Variants in PDE1A observed in about 807,000 individuals in gnomAD.
PDE1A encodes dual specificity calcium/calmodulin-dependent 3',5'-cyclic nucleotide phosphodiesterase 1A.
In PDE1A, 35 loss-of-function variants were observed where a neutral mutation model predicts 61.7. The ratio of observed to expected loss-of-function variants is 0.57; its 90% CI spans 0.43 to 0.75. PDE1A has a LOEUF of 0.75. Ranked by LOEUF, PDE1A falls within the 30% of genes least tolerant of loss-of-function variation. PDE1A has a pLI of 0.00. For synonymous variants in PDE1A, 232 were observed against 213.2 expected (o/e 1.09, Z -0.77); for missense variants, 597 against 630.6 (o/e 0.95, Z 0.57).
intron 2 of PDE1A, among the ~76,000 whole-genome samples, chr2:182,449,601 T>C (rs777126633): frequency 6.6e-6 from 1 of 152,112 alleles, no homozygotes; most frequent in Non-Finnish European, 1.5e-5. Flanking sequence ...AGGCTTATTT[T>C]CCACATTTTC....
chr2:182,455,656 G>A (rs377295335), intron 2 of PDE1A, among the ~76,000 whole-genome samples: 1 of 151,696 alleles, frequency 6.6e-6, no homozygotes, highest in Admixed American at 6.6e-5. Flanking sequence ...CTATTCCAAG[G>A]ACAAAAAACC....
the PDE1A span, among the ~76,000 whole-genome samples, chr2:182,564,934 T>C: frequency 6.6e-6 from 1 of 152,180 alleles, no homozygotes; most frequent in African/African-American, 2.4e-5. Flanking sequence ...CTGTATTGGT[T>C]ATTCTAGTTA....
chr2:182,606,065 G>A, the PDE1A span, among the ~76,000 whole-genome samples: 1 of 152,110 alleles, frequency 6.6e-6, no homozygotes, highest in East Asian at 1.9e-4. Flanking sequence ...AATGACATAT[G>A]ACTTTATTAC....
intron 1 of PDE1A, among the ~76,000 whole-genome samples, chr2:182,421,630 GC>G (rs1211881897): frequency 6.6e-6 from 1 of 152,114 alleles, no homozygotes; most frequent in Non-Finnish European, 1.5e-5. Context: ...TTTACCTCCT[GC>G]TATTAAAATG....
At chr2:182,182,043 T>C (rs943061037) in intron 13 of PDE1A, among the ~76,000 whole-genome samples, 1 of 152,204 alleles carries the variant, frequency 6.6e-6, no homozygotes, top group African/African-American at 2.4e-5. Context: ...TTTGCAGTCA[T>C]GAACAATGCT....
chr2:182,388,827 C>T (rs1219786923), intron 1 of PDE1A, among the ~76,000 whole-genome samples: 1 of 151,594 alleles, frequency 6.6e-6, no homozygotes, highest in African/African-American at 2.4e-5. Context: ...GAAATAAAGA[C>T]CAGAAAAAAT....
the PDE1A span, among the ~76,000 whole-genome samples, chr2:182,545,918 G>C: frequency 6.6e-6 from 1 of 152,154 alleles, no homozygotes; most frequent in Admixed American, 6.5e-5. Context: ...GGCCAAACCT[G>C]TTTAGTGACT....
intron 2 of PDE1A, among the ~76,000 whole-genome samples, chr2:182,499,548 G>A (rs965882149): frequency 2.0e-4 from 30 of 152,054 alleles, no homozygotes; most frequent in Admixed American, 1.8e-3. Flanking sequence ...CGAAATTCCC[G>A]AACAGCAGAA....
Position 182,180,852 on chromosome 2 carries a change from T to A in PDE1A, c.1516+5040A>T, listed in dbSNP as rs557735720. On this transcript the variant is annotated intron_variant, in intron 13 of 13. Coordinates refer to ENST00000351439, the Ensembl canonical transcript of PDE1A. ...CAGCAAGATGGTCTTCAAATTCTGATATCCTTTCTTCTGCTTGATTTATTC... is the reference window on the plus strand; with the variant it reads ...CAGCAAGATGGTCTTCAAATTCTGAAATCCTTTCTTCTGCTTGATTTATTC... Among the ~76,000 whole-genome samples, 6 of 151,938 alleles carry A rather than the reference T, an allele frequency of 3.9e-5. No individual in the cohort carries two copies. The South Asian group carries it at 6.3e-4, about 16-fold the overall frequency.
intron 1 of PDE1A, among the ~76,000 whole-genome samples, chr2:182,303,798 C>A (rs1418156949): frequency 6.6e-6 from 1 of 152,236 alleles, no homozygotes; most frequent in Non-Finnish European, 1.5e-5. Context: ...CATCAATGAT[C>A]TTACCTCTAT....
At chr2:182,533,317 A>C in the PDE1A span, among the ~76,000 whole-genome samples, 2 of 152,258 alleles carry the variant, frequency 1.3e-5, no homozygotes, top group African/African-American at 4.8e-5. Flanking sequence ...TCTCAGAAAA[A>C]AGCAAAGAAG....
chr2:182,685,576 A>C, the PDE1A span, among the ~76,000 whole-genome samples: 2 of 152,290 alleles, frequency 1.3e-5, no homozygotes, highest in African/African-American at 4.8e-5. Context: ...AATTGTGAAC[A>C]ATCAGTGCTT....
the PDE1A span, among the ~76,000 whole-genome samples, chr2:182,622,920 T>A: frequency 6.6e-6 from 1 of 152,184 alleles, no homozygotes; most frequent in Admixed American, 6.5e-5. Flanking sequence ...TGGAAGTATT[T>A]TTCTAATAGC....
intron 13 of PDE1A, among the ~76,000 whole-genome samples, chr2:182,154,210 A>G (rs1690941331): frequency 6.6e-6 from 1 of 152,222 alleles, no homozygotes; most frequent in South Asian, 2.1e-4. Context: ...TTTAGTAAAA[A>G]TGTCAATACA....
the PDE1A span, among the ~76,000 whole-genome samples, chr2:182,576,081 A>G: frequency 6.6e-6 from 1 of 151,712 alleles, no homozygotes; most frequent in Non-Finnish European, 1.5e-5. Context: ...AAACTTTTTT[A>G]TCTTAACTAC....
At chr2:182,471,937 G>T (rs1687054011) in intron 2 of PDE1A, among the ~76,000 whole-genome samples, 1 of 151,730 alleles carries the variant, frequency 6.6e-6, no homozygotes, top group African/African-American at 2.4e-5. Context: ...GAAGACAAAT[G>T]TCCAACAAGC....
At chr2:182,702,798 G>A in the PDE1A span, among the ~76,000 whole-genome samples, 2 of 152,144 alleles carry the variant, frequency 1.3e-5, no homozygotes, top group Non-Finnish European at 2.9e-5. Context: ...AGTGGCTAGT[G>A]TTGCTCCTCC....
intron 2 of PDE1A, among the ~76,000 whole-genome samples, chr2:182,242,943 G>GTGTGTGTGTGTGTATT (rs71008214): frequency 5.1e-4 from 70 of 137,480 alleles, no homozygotes; most frequent in African/African-American, 1.8e-3. Context: ...GTATGTGTGT[G>GTGTGTGTGTGTGTATT]TGTGTGTTGT....
intron 1 of PDE1A, among the ~76,000 whole-genome samples, chr2:182,404,047 T>A (rs202142815): frequency 8.7e-5 from 1 of 11,430 alleles, no homozygotes. Context: ...TAGGAACAAA[T>A]TTTTTTTTTA....
Sources: gnomAD v4.1 joint callset for allele counts (sites outside exome capture counted in the v4.1 genomes callset) on GRCh38, gnomAD v4.1.1 for gene constraint, MANE v1.5 for transcripts, NCBI Gene and HGNC (gene_info 2026-07-23, HGNC 2026-07-21) for gene names.